RBFOX3: variants seen among roughly 807,000 people sequenced by gnomAD.
The protein encoded by RBFOX3 is RNA binding protein fox-1 homolog 3.
In RBFOX3, 17 loss-of-function variants were observed where a neutral mutation model predicts 48.7. That is an observed-to-expected ratio of 0.35 (90% CI 0.24 to 0.52). RBFOX3 has a LOEUF of 0.52. Ranked by LOEUF, RBFOX3 falls within the 20% of genes least tolerant of loss-of-function variation. RBFOX3 has a pLI of 0.94. For missense variants in RBFOX3, 382 were observed against 497.5 expected, an observed-to-expected ratio of 0.77 and a Z score of 2.21; for synonymous variants, 212 against 209.5, an observed-to-expected ratio of 1.01 and a Z score of -0.10.
At chr17:79,091,342 A>G (rs1161846580) in intron 14 of RBFOX3, among the ~76,000 whole-genome samples, 1 of 152,178 alleles carries the variant, frequency 6.6e-6, no homozygotes, top group Non-Finnish European at 1.5e-5. Flanking sequence ...CACACTCAGA[A>G]CCTGAGGCTA....
intron 4 of RBFOX3, among the ~76,000 whole-genome samples, chr17:79,225,585 C>G (rs1006330136): frequency 2.6e-5 from 4 of 152,212 alleles, no homozygotes; most frequent in Admixed American, 1.3e-4. Flanking sequence ...GCCATGTGCC[C>G]AGCCCCCGGA....
rs576228647 is a variant in RBFOX3, at chr17:79,173,514, A to G, written c.-33-57766T>C. 4.6e-5 allele frequency among the ~76,000 whole-genome samples: 7 copies of G among 152,276 alleles called. No homozygotes were observed. The South Asian group carries it at 1.5e-3, about 32-fold the overall frequency. On this transcript the variant is annotated intron_variant, in intron 4 of 14. Coordinates refer to ENST00000693108, the MANE Select transcript of RBFOX3 (RefSeq NM_001350451.2). ...TTCTCTCTAAGGGGCCCACCTGCAG[A>G]CTTTTGAAGATGATCAGCTAAGATC... is the stretch of plus-strand genomic sequence containing the variant.
chr17:79,103,936 GC>G lies in RBFOX3; in HGVS notation c.414+136del. On this transcript the variant is annotated intron_variant, in intron 7 of 14. Transcript: ENST00000693108. This position sits in a 1 kb window ranked among gnomAD's most constrained non-coding sequence, Gnocchi z 6.1. ...GGGCGGGGCGGGTGGGGGCGGAAGA[GC>G]GGGGAATACAAGCACCCGTGTCGCT... The G allele has an allele frequency of 1.4e-6, 1 of 708,710 alleles. No individual in the cohort carries two copies. Among genetic ancestry groups the G allele is most frequent in the South Asian group, 1.7e-5 (1 of 58,846 alleles). 43.9% of individuals were successfully genotyped at this position (708,710 alleles called of 1,614,324 possible). A position where few individuals can be genotyped will look rare whatever the true frequency, so the allele number is the denominator to read the frequency against.
chr17:79,375,023 C>T (rs929539619), intron 2 of RBFOX3, among the ~76,000 whole-genome samples: 2 of 152,126 alleles, frequency 1.3e-5, no homozygotes, highest in Non-Finnish European at 2.9e-5. Context: ...AAGGGCACCA[C>T]TCTCCTCACC....
chr17:79,208,821 T>A (rs967588115), intron 4 of RBFOX3, among the ~76,000 whole-genome samples: 28 of 151,694 alleles, frequency 1.8e-4, no homozygotes, highest in African/African-American at 6.5e-4. Flanking sequence ...TCTCTTTCTT[T>A]TTTTTTTTGT....
In RBFOX3 at chr17:79,307,787, A is replaced by G. The variant is rs1205108382; in HGVS notation, c.-137T>C. ...CTGGAGGGGCTGCAGACCTGGGAAA[A>G]TGGTGGCAGAATTTCCTCTGGCTGC... On this transcript the variant is annotated 5_prime_UTR_variant, in exon 3 of 15. Coordinates refer to ENST00000693108, the MANE Select transcript of RBFOX3 (RefSeq NM_001350451.2). The G allele has an allele frequency of 6.5e-6, 1 of 153,776 alleles. No individual in the cohort carries two copies. The highest frequency in any genetic ancestry group is 1.5e-5 in the Non-Finnish European group (1 of 68,050). 9.5% of individuals were successfully genotyped at this position (153,776 alleles called of 1,614,324 possible).
chr17:79,413,585 C>T (rs1484009809), intron 2 of RBFOX3, among the ~76,000 whole-genome samples: 3 of 152,252 alleles, frequency 2.0e-5, no homozygotes, highest in South Asian at 2.1e-4. Flanking sequence ...CCACCTGGAG[C>T]GTGGAGACTC....
chr17:79,198,124 C>T lies in RBFOX3; in HGVS notation c.-34+37642G>A, dbSNP rs531012282. 6.6e-4 allele frequency among the ~76,000 whole-genome samples: 100 copies of T among 151,630 alleles called. No individual in the cohort carries two copies. Among genetic ancestry groups the T allele is most frequent in the African/African-American group, 2.0e-3 (84 of 41,220 alleles). On this transcript the variant is annotated intron_variant, in intron 4 of 14. Transcript: ENST00000693108. This position sits in a 1 kb window ranked among gnomAD's most constrained non-coding sequence, Gnocchi z 8.2. Reference sequence around the variant, plus strand: ...CATCGTGTGGGGTGGGCTGTCATCCCGGAAGTGCTACGGTTGCATCGTGTG... The same window carrying T: ...CATCGTGTGGGGTGGGCTGTCATCCTGGAAGTGCTACGGTTGCATCGTGTG...
At chr17:79,162,882 G>A (rs755268993) in intron 4 of RBFOX3, among the ~76,000 whole-genome samples, 1 of 152,168 alleles carries the variant, frequency 6.6e-6, no homozygotes, top group Non-Finnish European at 1.5e-5. Flanking sequence ...CCAGTGGCAC[G>A]GCTTCTGATC....
At chr17:79,553,514 C>T (rs1351625878) in intron 1 of RBFOX3, among the ~76,000 whole-genome samples, 2 of 152,130 alleles carry the variant, frequency 1.3e-5, no homozygotes, top group East Asian at 3.8e-4. Context: ...TTTATCTTTG[C>T]TGTGGAACAC....
rs2057393452 is a variant in RBFOX3, at chr17:79,364,165, C to T, written c.-174-56341G>A. Among the ~76,000 whole-genome samples, 1 of 152,242 alleles carries T rather than the reference C, an allele frequency of 6.6e-6. No individual in the cohort carries two copies. Among genetic ancestry groups the T allele is most frequent in the Non-Finnish European group, 1.5e-5 (1 of 68,046 alleles). On this transcript the variant is annotated intron_variant, in intron 2 of 14. Transcript: ENST00000693108. The surrounding 1 kb of genome is among the most constrained non-coding windows in gnomAD (Gnocchi z 5.1). ...AACAGCCCCATGCCCAGAAGGCAGG[C>T]TCCGTGGGAACTGGTGTTCAGCCTT...
At chr17:79,256,273 C>T (rs2064834904) in intron 3 of RBFOX3, among the ~76,000 whole-genome samples, 1 of 152,078 alleles carries the variant, frequency 6.6e-6, no homozygotes, top group South Asian at 2.1e-4. Flanking sequence ...ACCGACCCTT[C>T]CTTTCTCATG....
At chr17:79,649,353 A>AT in the RBFOX3 span, among the ~76,000 whole-genome samples, 1 of 152,254 alleles carries the variant, frequency 6.6e-6, no homozygotes, top group Non-Finnish European at 1.5e-5. Context: ...AACCTGGTTT[A>AT]TCCTGACTCA....
At chr17:79,141,460 T>A (rs1229879143) in intron 4 of RBFOX3, among the ~76,000 whole-genome samples, 1 of 152,062 alleles carries the variant, frequency 6.6e-6, no homozygotes, top group Non-Finnish European at 1.5e-5. Context: ...CTCAGTTCTA[T>A]CACAAGAAGC....
At chr17:79,447,763 G>A (rs1454052817) in intron 2 of RBFOX3, among the ~76,000 whole-genome samples, 1 of 152,258 alleles carries the variant, frequency 6.6e-6, no homozygotes. Context: ...AGAGCAGGCT[G>A]TGGGCCGTGC....
intron 4 of RBFOX3, among the ~76,000 whole-genome samples, chr17:79,229,432 A>C (rs376310923): frequency 6.6e-6 from 1 of 151,430 alleles, no homozygotes; most frequent in East Asian, 1.9e-4. Context: ...GGTGGTGCAC[A>C]TCTGCAATCC....
intron 1 of RBFOX3, among the ~76,000 whole-genome samples, chr17:79,575,792 A>T (rs924120228): frequency 7.2e-5 from 11 of 152,152 alleles, no homozygotes; most frequent in Non-Finnish European, 1.5e-4. Flanking sequence ...GGCCCAACAC[A>T]TGCTATTTTT....
chr17:79,537,890 G>A (rs1450334152), intron 1 of RBFOX3, among the ~76,000 whole-genome samples: 1 of 152,192 alleles, frequency 6.6e-6, no homozygotes, highest in African/African-American at 2.4e-5. Flanking sequence ...GAGCTGATGG[G>A]GGTGGGGGAG....
chr17:79,247,466 C>G (rs1431323628), intron 3 of RBFOX3, among the ~76,000 whole-genome samples: 3 of 151,928 alleles, frequency 2.0e-5, no homozygotes, highest in African/African-American at 7.3e-5. Flanking sequence ...GTGTGCACAC[C>G]AAGCCTGGGT....
Sources: allele counts gnomAD v4.1 joint callset (sites outside exome capture counted in the v4.1 genomes callset), GRCh38; gene constraint gnomAD v4.1.1; non-coding constraint Gnocchi (gnomAD v3.1); transcripts MANE v1.5; gene names NCBI Gene and HGNC (gene_info 2026-07-23, HGNC 2026-07-21).